Variants in LUM observed in about 807,000 individuals in gnomAD.
LUM encodes the protein KSPG lumican.
In LUM, 13 loss-of-function variants were observed where a neutral mutation model predicts 20.5. That is an observed-to-expected ratio of 0.63 (90% CI 0.41 to 1.01). The LOEUF is 1.01. LUM is among the 50% of genes least tolerant of loss of function. The pLI is 0.00. For synonymous variants in LUM, 173 were observed against 151.5 expected (o/e 1.14, Z -1.04); for missense variants, 321 against 391.1 (o/e 0.82, Z 1.51).
In LUM at chr12:91,109,100, G is replaced by T. The variant is rs1253121276; in HGVS notation, c.-21-100C>A. ...AAATTCATTAGAAAATGTGCATTTT[G>T]TTATTTTATAGCTATTTTTAGTGCA... On this transcript the variant is annotated intron_variant, in intron 1 of 2. Coordinates refer to ENST00000266718, the MANE Select transcript of LUM (RefSeq NM_002345.4). 22 of 901,936 alleles carry T rather than the reference G, an allele frequency of 2.4e-5. No homozygotes were observed. In the Admixed American group the frequency reaches 5.2e-4, roughly 21 times the overall value. 55.9% of individuals were successfully genotyped at this position (901,936 alleles called of 1,614,324 possible). A position where few individuals can be genotyped will look rare whatever the true frequency, so the allele number is the denominator to read the frequency against.
At chr12:91,107,238 GGAAAGAAAGAAA>G (rs1555188589) in intron 2 of LUM, among the ~76,000 whole-genome samples, 1 of 67,356 alleles carries the variant, frequency 1.5e-5, no homozygotes, top group Non-Finnish European at 3.0e-5. Context: ...AAGAAAGAAA[GGAAAGAAAGAAA>G]GAAAGAAAGA....
intron 1 of LUM, 37 bp from the exon 2 acceptor site, chr12:91,109,037 A>G (rs528658593): frequency 6.6e-6 from 9 of 1,363,924 alleles, no homozygotes; most frequent in Middle Eastern, 2.5e-4. Flanking sequence ...TTAAAAAAAT[A>G]TATACTTTCA....
chr12:91,107,179 AAG>A (rs1880057391), intron 2 of LUM, among the ~76,000 whole-genome samples: 2 of 100,796 alleles, frequency 2.0e-5, no homozygotes, highest in Non-Finnish European at 4.0e-5. Flanking sequence ...AAGAAAACGA[AAG>A]AAAGAAAGAA....
intron 1 of LUM, among the ~76,000 whole-genome samples, chr12:91,109,408 T>C (rs540855179): frequency 6.6e-6 from 1 of 152,316 alleles, no homozygotes; most frequent in Admixed American, 6.5e-5. Flanking sequence ...TACTCTACCC[T>C]ACCATTCGAC....
In LUM at chr12:91,107,297, GAAAGAAAGAAAGAA is replaced by G. The variant is rs1880091275; in HGVS notation, c.862+807_862+820del. 2.1e-4 allele frequency among the ~76,000 whole-genome samples: 22 copies of G among 104,366 alleles called. No individual in the cohort carries two copies. In the Admixed American group the frequency reaches 2.1e-3, roughly 10 times the overall value. 68.5% of individuals were successfully genotyped at this position (104,366 alleles called of 152,430 possible). A position where few individuals can be genotyped will look rare whatever the true frequency, so the allele number is the denominator to read the frequency against. ...AAAGAAAGAAAGAAAGAGAAAGAAA[GAAAGAAAGAAAGAA>G]AGAAAGAAAGAAAGAAAGAAAGAAA... On this transcript the variant is annotated intron_variant, in intron 2 of 2. Coordinates refer to ENST00000266718, the MANE Select transcript of LUM (RefSeq NM_002345.4).
chr12:91,104,051 T>A lies in LUM; in HGVS notation c.*114A>T. 1.1e-6 allele frequency: 1 copy of A among 885,630 alleles called. No individual in the cohort carries two copies. 54.9% of individuals were successfully genotyped at this position (885,630 alleles called of 1,614,324 possible). A position where few individuals can be genotyped will look rare whatever the true frequency, so the allele number is the denominator to read the frequency against. On this transcript the variant is annotated 3_prime_UTR_variant, in exon 3 of 3. Coordinates refer to ENST00000266718, the MANE Select transcript of LUM (RefSeq NM_002345.4). ...AAAAAAAATAAATGTTTACAAAACA[T>A]TTCCCTCAGATTTTAAAATTCATGG... is the stretch of plus-strand genomic sequence containing the variant.
At chr12:91,105,808 C>T (rs1178186787) in intron 2 of LUM, among the ~76,000 whole-genome samples, 2 of 152,210 alleles carry the variant, frequency 1.3e-5, no homozygotes, top group African/African-American at 4.8e-5. Context: ...GCAATGTATA[C>T]CTTCAAATGT....
chr12:91,108,971 T>C lies in LUM; in HGVS notation c.9A>G (p.Leu3=). The C allele has an allele frequency of 6.2e-7, 1 of 1,612,320 alleles. No individual in the cohort carries two copies. The highest frequency in any genetic ancestry group is 8.5e-7 in the Non-Finnish European group (1 of 1,179,044). Residue 3 remains leucine, a synonymous_variant, in exon 2 of 3, where the codon CTA becomes CTG. Coordinates refer to ENST00000266718, the MANE Select transcript of LUM (RefSeq NM_002345.4). The surrounding 1 kb of genome is among the most constrained non-coding windows in gnomAD (Gnocchi z 4.2). The part of the protein sequence containing the change: MS[L]SAFTLFLALI... ...ATGCCAGGAAGAGAGTAAATGCACT[T>C]AGACTCATTTTTGGCAAATGGTTTG...
rs528819769 is a variant in LUM, at chr12:91,103,778, T to G, written c.*387A>C. The stretch of plus-strand genomic sequence containing the variant: ...TATTTTTTAACCAGACAAATTTGAA[T>G]GTATCAAGATAATTTGGTGCAAGAG... On this transcript the variant is annotated 3_prime_UTR_variant, in exon 3 of 3. Transcript: ENST00000266718. 1.9e-4 allele frequency: 30 copies of G among 157,042 alleles called. 1 individual carries two copies. The South Asian group carries it at 3.8e-3, about 20-fold the overall frequency. 9.7% of individuals were successfully genotyped at this position (157,042 alleles called of 1,614,324 possible).
In LUM at chr12:91,108,296, A is replaced by T. The variant is rs1220775416; in HGVS notation, c.684T>A (p.Phe228Leu). The change falls in exon 2 of 3, where the codon TTT becomes TTA. Residue 228 changes from phenylalanine to leucine, a missense_variant. Transcript: ENST00000266718. This position sits in a 1 kb window ranked among gnomAD's most constrained non-coding sequence, Gnocchi z 4.2. Reference protein sequence around the residue: ...SNIPDEYFKRFNALQYLRLSH... With the variant: ...SNIPDEYFKRLNALQYLRLSH... Reference sequence around the variant, plus strand: ...ATAAACGCAGATACTGCAATGCATTAAAACGCTTGAAATACTCATCAGGGA... The same window carrying T: ...ATAAACGCAGATACTGCAATGCATTTAAACGCTTGAAATACTCATCAGGGA... The T allele has an allele frequency of 6.2e-7, 1 of 1,614,190 alleles. No homozygotes were observed.
chr12:91,107,263 GAA>G (rs369295129), intron 2 of LUM, among the ~76,000 whole-genome samples: 1,394 of 84,286 alleles, frequency 0.017, 18 homozygotes, highest in Middle Eastern at 0.029. Context: ...AAGAAAGAAA[GAA>G]AGAAAGAAAG....
intron 1 of LUM, 28 bp from the exon 2 acceptor site, chr12:91,109,028 T>A: frequency 7.2e-7 from 1 of 1,391,232 alleles, no homozygotes; most frequent in Non-Finnish European, 1.0e-6. Flanking sequence ...ATTTATTAAT[T>A]AAAAAAATAT....
chr12:91,107,703 G>A (rs1464220843), intron 2 of LUM, among the ~76,000 whole-genome samples: 1 of 151,102 alleles, frequency 6.6e-6, no homozygotes, highest in African/African-American at 2.4e-5. Context: ...TTGAAGTAGA[G>A]GGATATTTTG....
intron 2 of LUM, among the ~76,000 whole-genome samples, chr12:91,105,852 AG>A (rs1880018562): frequency 6.6e-6 from 1 of 152,216 alleles, no homozygotes; most frequent in South Asian, 2.1e-4. Context: ...TTTCAGAGAA[AG>A]AAGTAGCCCT....
intron 2 of LUM, among the ~76,000 whole-genome samples, chr12:91,107,868 A>C (rs1293975089): frequency 6.6e-6 from 1 of 152,132 alleles, no homozygotes; most frequent in East Asian, 1.9e-4. Context: ...GAAGTGCGAC[A>C]CCACGCCTGG....
At chr12:91,109,085 GA>G (rs1470801384) in intron 1 of LUM, 85 bp from the exon 2 acceptor site, 1 of 989,486 alleles carries the variant, frequency 1.0e-6, no homozygotes, top group Non-Finnish European at 1.5e-6. Flanking sequence ...AAATTCATTA[GA>G]AAATGTGCAT....
intron 2 of LUM, among the ~76,000 whole-genome samples, chr12:91,106,711 A>AAAAAC (rs398020575): frequency 1.7e-4 from 25 of 147,138 alleles, no homozygotes; most frequent in African/African-American, 5.0e-4. Flanking sequence ...AAAAAAAAAA[A>AAAAAC]GATGTTAGAA....
chr12:91,105,894 C>G, intron 2 of LUM, among the ~76,000 whole-genome samples: 1 of 152,224 alleles, frequency 6.6e-6, no homozygotes, highest in East Asian at 1.9e-4. Flanking sequence ...CCCACCAAAT[C>G]TAATGTACTC....
In LUM at chr12:91,108,192, T is replaced by C; in HGVS notation, c.788A>G (p.Tyr263Cys). 1.2e-6 allele frequency: 2 copies of C among 1,614,116 alleles called. No individual in the cohort carries two copies. Among genetic ancestry groups the C allele is most frequent in the Non-Finnish European group, 1.7e-6 (2 of 1,179,972 alleles). Residue 263 changes from tyrosine (Y) to cysteine (C), a missense_variant, in exon 2 of 3, where the codon TAT becomes TGT. Physicochemically the swap from Tyr to Cys is radical, Grantham distance 194. Coordinates refer to ENST00000266718, the MANE Select transcript of LUM (RefSeq NM_002345.4). The surrounding 1 kb of genome is among the most constrained non-coding windows in gnomAD (Gnocchi z 4.2). ...VSSLVELDLS[Y>C]NKLKNIPTVN... is the part of the protein sequence containing the mutation. ...AGTTGGTATGTTTTTAAGCTTGTTA[T>C]AGGACAGATCCAGCTCAACCAGGGA... is the stretch of plus-strand genomic sequence containing the variant.
Sources: allele counts gnomAD v4.1 joint callset (sites outside exome capture counted in the v4.1 genomes callset), GRCh38; gene constraint gnomAD v4.1.1; non-coding constraint Gnocchi (gnomAD v3.1); transcripts MANE v1.5; gene names NCBI Gene and HGNC (gene_info 2026-07-23, HGNC 2026-07-21).